RNF180: variants seen among roughly 807,000 people sequenced by gnomAD.
RNF180 encodes ring finger protein 180.
Under a neutral mutation model 59.2 loss-of-function variants are expected in RNF180, and 38 were observed. The observed-to-expected ratio is 0.64, with a 90% CI of 0.50 to 0.84. The LOEUF is 0.84. RNF180 is among the 40% of genes least tolerant of loss of function. RNF180 has a pLI of 0.00. For synonymous variants in RNF180, 262 were observed against 240.3 expected (o/e 1.09, Z -0.84); for missense variants, 705 against 700.9 (o/e 1.01, Z -0.07).
chr5:64,214,853 TATTTTGGGTTGAAAAAATGTTTTTTTTAA>T (rs1005432601), intron 4 of RNF180, among the ~76,000 whole-genome samples: 1 of 152,196 alleles, frequency 6.6e-6, no homozygotes, highest in African/African-American at 2.4e-5. Context: ...GCAGCGGTTT[TATTTTGGGTTGAAAAAATGTTTTTTTTAA>T]ATTTTGGGTT....
chr5:64,257,255 G>A (rs1744027017), intron 5 of RNF180, among the ~76,000 whole-genome samples: 1 of 152,220 alleles, frequency 6.6e-6, no homozygotes, highest in African/African-American at 2.4e-5. Context: ...TAGGAGTGGT[G>A]AGAGAGGGCA....
intron 5 of RNF180, among the ~76,000 whole-genome samples, chr5:64,245,582 A>G (rs1025213791): frequency 6.6e-6 from 1 of 152,216 alleles, no homozygotes; most frequent in Non-Finnish European, 1.5e-5. Context: ...CTAAATATAT[A>G]TGCACCCAAT....
At chr5:64,346,351 C>CTTTTTTTT (rs1745554217) in intron 7 of RNF180, among the ~76,000 whole-genome samples, 1 of 53,618 alleles carries the variant, frequency 1.9e-5, no homozygotes, top group Non-Finnish European at 4.1e-5. Context: ...TTCTTTTTTT[C>CTTTTTTTT]TTTTCTTCTT....
chr5:64,251,606 T>C (rs1282677630), intron 5 of RNF180, among the ~76,000 whole-genome samples: 1 of 152,088 alleles, frequency 6.6e-6, no homozygotes, highest in African/African-American at 2.4e-5. Context: ...TAATTTTTTA[T>C]ATTGTAGGCA....
At chr5:64,206,264 G>A (rs886381962) in intron 2 of RNF180, among the ~76,000 whole-genome samples, 3 of 152,136 alleles carry the variant, frequency 2.0e-5, no homozygotes, top group Admixed American at 6.6e-5. Flanking sequence ...CAGATAATTG[G>A]GAGCTGAGGG....
At chr5:64,267,083 C>T (rs992841779) in intron 5 of RNF180, among the ~76,000 whole-genome samples, 5 of 152,022 alleles carry the variant, frequency 3.3e-5, no homozygotes, top group African/African-American at 1.2e-4. Flanking sequence ...AGCTTCTCTA[C>T]CTGTCTGAAA....
intron 7 of RNF180, among the ~76,000 whole-genome samples, chr5:64,368,496 T>C (rs926650826): frequency 6.6e-5 from 10 of 151,836 alleles, no homozygotes; most frequent in Non-Finnish European, 1.2e-4. Context: ...GCAAATCTCC[T>C]GACTTCATAT....
chr5:64,309,719 C>A (rs186323102), intron 5 of RNF180, among the ~76,000 whole-genome samples: 28 of 151,154 alleles, frequency 1.9e-4, no homozygotes, highest in African/African-American at 6.5e-4. Flanking sequence ...TTTATAGGTT[C>A]TTTATAAACA....
In RNF180 at chr5:64,348,095, G is replaced by A. The variant is rs9291807; in HGVS notation, c.1579+17689G>A. Reference sequence around the variant, plus strand: ...GCACTGAAATATTGTATAGGTAGCTGGATATAATGCAAGGTTATATATAAA... The same window carrying A: ...GCACTGAAATATTGTATAGGTAGCTAGATATAATGCAAGGTTATATATAAA... On this transcript the variant is annotated intron_variant, in intron 7 of 7. Transcript: ENST00000389100. Among the ~76,000 whole-genome samples, 89 of 151,906 alleles carry A rather than the reference G, an allele frequency of 5.9e-4. 1 individual carries two copies. The highest frequency in any genetic ancestry group is 2.1e-3 in the African/African-American group (88 of 41,466).
At chr5:64,184,013 G>T (rs1750748607) in intron 1 of RNF180, among the ~76,000 whole-genome samples, 1 of 152,108 alleles carries the variant, frequency 6.6e-6, no homozygotes, top group Non-Finnish European at 1.5e-5. Context: ...GTTAGTGTGG[G>T]CCCTAATCCA....
intron 5 of RNF180, among the ~76,000 whole-genome samples, chr5:64,319,975 A>G (rs1168518518): frequency 1.3e-5 from 2 of 152,234 alleles, no homozygotes; most frequent in African/African-American, 4.8e-5. Context: ...CAGGAATTAT[A>G]GGTCATGATA....
chr5:64,220,286 AATTT>A (rs201500917), intron 5 of RNF180, among the ~76,000 whole-genome samples: 2,483 of 151,768 alleles, frequency 0.016, 72 homozygotes, highest in African/African-American at 0.058. Context: ...CTTTGCTTTG[AATTT>A]ATTTGTCCTT....
intron 7 of RNF180, among the ~76,000 whole-genome samples, chr5:64,359,420 GCATA>G (rs1746157148): frequency 6.6e-6 from 1 of 152,042 alleles, no homozygotes; most frequent in Admixed American, 6.6e-5. Context: ...TTTTTTGGCT[GCATA>G]AATGCCTTCC....
At chr5:64,336,666 A>C (rs1476392473) in intron 7 of RNF180, among the ~76,000 whole-genome samples, 1 of 152,238 alleles carries the variant, frequency 6.6e-6, no homozygotes, top group African/African-American at 2.4e-5. Context: ...ATTTACATTC[A>C]TCTGATAATA....
At position 64,371,560 on chromosome 5, in the gene RNF180, G is replaced by C. The variant is rs1451970037; in HGVS notation, c.*1746G>C. Reference sequence around the variant, plus strand: ...GTTGATTCCCAATATATATTTGTTAGGTCAGTGATACATATCAGTTTATAG... The same window carrying C: ...GTTGATTCCCAATATATATTTGTTACGTCAGTGATACATATCAGTTTATAG... On this transcript the variant is annotated 3_prime_UTR_variant, in exon 8 of 8. Coordinates refer to ENST00000389100, the MANE Select transcript of RNF180 (RefSeq NM_001113561.2). The C allele has an allele frequency of 1.3e-5, 2 of 151,334 alleles. No homozygotes were observed. The highest frequency in any genetic ancestry group is 4.8e-5 in the African/African-American group (2 of 41,308). 9.4% of individuals were successfully genotyped at this position (151,334 alleles called of 1,614,324 possible). A position where few individuals can be genotyped will look rare whatever the true frequency, so the allele number is the denominator to read the frequency against.
At chr5:64,226,675 A>C (rs531789177) in intron 5 of RNF180, among the ~76,000 whole-genome samples, 1 of 152,212 alleles carries the variant, frequency 6.6e-6, no homozygotes, top group Non-Finnish European at 1.5e-5. Context: ...TAAAAAAAAA[A>C]AAAGAAAAAA....
At chr5:64,332,226 G>A in intron 7 of RNF180, among the ~76,000 whole-genome samples, 1 of 152,308 alleles carries the variant, frequency 6.6e-6, no homozygotes, top group East Asian at 1.9e-4. Flanking sequence ...GAGGTTTCTG[G>A]CTGGTGAAGT....
At chr5:64,200,998 A>G (rs72769844) in intron 2 of RNF180, 56 bp downstream of exon 2, 162,965 of 1,390,384 alleles carry the variant, frequency 0.12, 10,247 homozygotes, top group Admixed American at 0.21. Flanking sequence ...CTGTGGGCCT[A>G]TCCACACACA....
At chr5:64,193,425 T>C (rs1751285085) in intron 1 of RNF180, among the ~76,000 whole-genome samples, 4 of 152,182 alleles carry the variant, frequency 2.6e-5, no homozygotes, top group Non-Finnish European at 5.9e-5. Context: ...ATTAAATATA[T>C]GCAATTTTTG....
Sources: gnomAD v4.1 joint callset for allele counts (sites outside exome capture counted in the v4.1 genomes callset) on GRCh38, gnomAD v4.1.1 for gene constraint, MANE v1.5 for transcripts, NCBI Gene and HGNC (gene_info 2026-07-23, HGNC 2026-07-21) for gene names.